The following C2CD3 variants were observed in gnomAD, a reference collection of about 807,000 sequenced individuals.
The protein encoded by C2CD3 is C2 domain containing 3 centriole elongation regulator.
A neutral mutation model predicts 234.0 loss-of-function variants in C2CD3; 148 were observed. The observed-to-expected ratio is 0.63, with a 90% confidence interval of 0.55 to 0.72. The LOEUF (loss-of-function observed/expected upper bound fraction) is 0.72. Ranked by LOEUF, C2CD3 falls within the 30% of genes least tolerant of loss-of-function variation. The pLI is 0.00. For missense variants in C2CD3, 2,577 were observed against 2,811.5 expected, an observed-to-expected ratio of 0.92 and a Z score of 1.89; for synonymous variants, 1,000 against 1,035.4, an observed-to-expected ratio of 0.97 and a Z score of 0.66.
chr11:74,118,490 T>C (rs1565315464), intron 8 of C2CD3, 108 bp from the exon 9 acceptor site: 1 of 696,844 alleles, frequency 1.4e-6, no homozygotes, highest in East Asian at 2.8e-5. Context: ...TACATCATTC[T>C]CTTAAAGAAA....
At chr11:74,050,752 ACGGTG>A in intron 26 of C2CD3, among the ~76,000 whole-genome samples, 5 of 146,834 alleles carry the variant, frequency 3.4e-5, no homozygotes, top group African/African-American at 1.4e-4. Context: ...ACCTAGCTAA[ACGGTG>A]AGAAAAGGTA....
At chr11:74,121,263 A>G (rs750340346) in intron 8 of C2CD3, among the ~76,000 whole-genome samples, 81 of 152,286 alleles carry the variant, frequency 5.3e-4, no homozygotes, top group Admixed American at 3.3e-3. Flanking sequence ...CTTTTGTTTC[A>G]TGCTATGTAA....
chr11:74,111,931 C>T (rs867018866), intron 11 of C2CD3, among the ~76,000 whole-genome samples: 1,435 of 105,490 alleles, frequency 0.014, 25 homozygotes, highest in African/African-American at 0.058. Flanking sequence ...CACACACACA[C>T]ACACACACAC....
At chr11:74,044,714 C>T (rs1953270766) in intron 28 of C2CD3, among the ~76,000 whole-genome samples, 1 of 152,058 alleles carries the variant, frequency 6.6e-6, no homozygotes, top group African/African-American at 2.4e-5. Flanking sequence ...TCCCTTTCTC[C>T]TTCCTTTAGT....
Position 74,078,433 on chromosome 11 carries a change from T to C in C2CD3, c.4285A>G (p.Ile1429Val), listed in dbSNP as rs1955172332. ...AGGTAGCAATATGTATTCTTATGAA[T>C]GTGGTTGTGGCCAGCAAGCAGCACA... ...HCVLLAGHNHIHKNTYCYLRY... is the reference protein window; with the variant it reads ...HCVLLAGHNHVHKNTYCYLRY... Residue 1429 changes from isoleucine (I) to valine (V), a missense_variant, in exon 23 of 33, where the codon ATT becomes GTT. Transcript: ENST00000334126. The C allele has an allele frequency of 1.2e-6, 2 of 1,614,206 alleles. No individual in the cohort carries two copies. The highest frequency in any genetic ancestry group is 2.2e-5 in the East Asian group (1 of 44,882).
chr11:74,084,249 C>T (rs1458426915), intron 22 of C2CD3, among the ~76,000 whole-genome samples: 1 of 152,008 alleles, frequency 6.6e-6, no homozygotes, highest in Non-Finnish European at 1.5e-5. Flanking sequence ...ACAATGAGAA[C>T]ACTTGGACAC....
rs981435780 is a variant in C2CD3 at position 74,121,472 on chromosome 11, T to C, written c.1365+1516A>G. 3.3e-5 allele frequency among the ~76,000 whole-genome samples: 5 copies of C among 151,858 alleles called. No homozygotes were observed. The South Asian group carries it at 8.3e-4, about 25-fold the overall frequency. ...AAATGCAAAAATTAGCCAGGTGCAG[T>C]GGCATGTGCCTGTAATCCCAGCTAC... On this transcript the variant is annotated intron_variant, in intron 8 of 32. Coordinates refer to ENST00000334126, the MANE Select transcript of C2CD3 (RefSeq NM_001286577.2).
intron 2 of C2CD3, among the ~76,000 whole-genome samples, chr11:74,162,614 C>T (rs751523426): frequency 6.6e-6 from 1 of 151,884 alleles, no homozygotes; most frequent in Admixed American, 6.6e-5. Context: ...GGAGTATGAA[C>T]CCAAGATCAA....
intron 21 of C2CD3, 91 bp from the exon 22 acceptor site, chr11:74,085,061 T>A (rs1590752762): frequency 1.5e-6 from 1 of 678,230 alleles, no homozygotes; most frequent in East Asian, 2.6e-5. Flanking sequence ...TCCCCTTATA[T>A]GCACTAAATC....
intron 22 of C2CD3, among the ~76,000 whole-genome samples, chr11:74,084,544 G>C (rs917889411): frequency 6.6e-5 from 10 of 152,152 alleles, no homozygotes; most frequent in African/African-American, 2.4e-4. Flanking sequence ...CCAAAGTGCT[G>C]GGATTACAGG....
At position 74,122,943 on chromosome 11, in the gene C2CD3, T is replaced by C. The variant is rs374257043; in HGVS notation, c.1365+45A>G. The C allele has an allele frequency of 8.4e-5, 121 of 1,434,212 alleles. 1 individual carries two copies. The African/African-American group carries it at 1.6e-3, about 19-fold the overall frequency. 88.8% of individuals were successfully genotyped at this position (1,434,212 alleles called of 1,614,324 possible). A position where few individuals can be genotyped will look rare whatever the true frequency, so the allele number is the denominator to read the frequency against. ...TGCCTGCAGCTACTAATATTATTAA[T>C]ACATTTGTTCTCTAATTCTCAATGC... On this transcript the variant is annotated intron_variant, in intron 8 of 32. Transcript: ENST00000334126.
At position 74,160,176 on chromosome 11, in the gene C2CD3, G is replaced by C. The variant is rs7951052; in HGVS notation, c.483+1223C>G. ...GGCTTGTGTCAGTACACTGACGTTCGCACAAGGATGAAATTGCCTGAGGAC... is the reference window on the plus strand; with the variant it reads ...GGCTTGTGTCAGTACACTGACGTTCCCACAAGGATGAAATTGCCTGAGGAC... On this transcript the variant is annotated intron_variant, in intron 3 of 32. Coordinates refer to ENST00000334126, the MANE Select transcript of C2CD3 (RefSeq NM_001286577.2). Among the ~76,000 whole-genome samples the C allele has an allele frequency of 1.9e-3, 285 of 152,202 alleles. 2 individuals are homozygous for C. Among genetic ancestry groups the C allele is most frequent in the African/African-American group, 6.5e-3 (271 of 41,520 alleles).
chr11:74,166,793 G>A (rs140003093), intron 2 of C2CD3, among the ~76,000 whole-genome samples: 312 of 152,188 alleles, frequency 2.1e-3, no homozygotes, highest in African/African-American at 6.9e-3. Context: ...ATTTTTATAA[G>A]ACTTGTACCT....
Position 74,098,185 on chromosome 11 carries a change from C to T in C2CD3, c.2803G>A (p.Val935Met). Residue 935 changes from valine to methionine, a missense_variant, in exon 16 of 33, where the codon GTG becomes ATG. By Grantham distance (21) the Val-to-Met change is conservative. Coordinates refer to ENST00000334126, the MANE Select transcript of C2CD3 (RefSeq NM_001286577.2). ...TGGTGGCCTGAAAACACATCAATCA[C>T]AGGCATGTAGCTGTCGACAGCAACA... ...PVVAVDSYMPVIDVFSGHQNG... is the reference protein window; with the variant it reads ...PVVAVDSYMPMIDVFSGHQNG... The T allele has an allele frequency of 6.2e-7, 1 of 1,614,102 alleles. No homozygotes were observed. Among genetic ancestry groups the T allele is most frequent in the Non-Finnish European group, 8.5e-7 (1 of 1,179,988 alleles).
At position 74,049,208 on chromosome 11, in the gene C2CD3, G is replaced by C; in HGVS notation, c.5361+129C>G. 4 of 725,394 alleles carry C rather than the reference G, an allele frequency of 5.5e-6. No homozygotes were observed. In the East Asian group the frequency reaches 1.1e-4, roughly 19 times the overall value. 44.9% of individuals were successfully genotyped at this position (725,394 alleles called of 1,614,324 possible). On this transcript the variant is annotated intron_variant, in intron 27 of 32. Coordinates refer to ENST00000334126, the MANE Select transcript of C2CD3 (RefSeq NM_001286577.2). ...CATTTTCATCACCCCAAAAGGTCAG[G>C]AGGTTGTTATGAGACACATATAGTA...
chr11:74,118,465 G>T, intron 8 of C2CD3, 83 bp from the exon 9 acceptor site: 1 of 1,028,200 alleles, frequency 9.7e-7, no homozygotes, highest in Non-Finnish European at 1.5e-6. Context: ...AAGAAAGCAA[G>T]TTCTTCTCTG....
At chr11:74,126,588 C>T (rs564858659) in intron 7 of C2CD3, among the ~76,000 whole-genome samples, 42 of 152,072 alleles carry the variant, frequency 2.8e-4, no homozygotes, top group Admixed American at 2.4e-3. Context: ...ACTAAAGATA[C>T]AAAAAATTAG....
At position 74,042,231 on chromosome 11, in the gene C2CD3, A is replaced by C; in HGVS notation, c.5496-13T>G. 1 of 1,587,660 alleles carries C rather than the reference A, an allele frequency of 6.3e-7. No individual in the cohort carries two copies. Among genetic ancestry groups the C allele is most frequent in the Non-Finnish European group, 8.5e-7 (1 of 1,172,144 alleles). ...TGTGGTATCACTTCTGTCAAAAAAA[A>C]AAAAAAAAAAAGTAGGAGCAAAATA... On this transcript the variant is annotated splice_polypyrimidine_tract_variant and intron_variant, in intron 28 of 32. Transcript: ENST00000334126.
At position 74,033,596 on chromosome 11, in the gene C2CD3, C is replaced by T. The variant is rs569409956; in HGVS notation, c.6564G>A (p.Thr2188=). Residue 2188 remains threonine, a synonymous_variant, in exon 31 of 33, where the codon ACG becomes ACA. Transcript: ENST00000334126. ...PTLSGAQQSS[T]FVGWSSPQTD... is the part of the protein sequence containing the mutation. Reference sequence around the variant, plus strand: ...TCTGTGGTGAGCTCCATCCAACAAACGTGCTGCTCTGTTGAGCTCCTGAGA... The same window carrying T: ...TCTGTGGTGAGCTCCATCCAACAAATGTGCTGCTCTGTTGAGCTCCTGAGA... 56 of 1,536,198 alleles carry T rather than the reference C, an allele frequency of 3.6e-5. No individual in the cohort carries two copies. Among genetic ancestry groups the T allele is most frequent in the Non-Finnish European group, 4.4e-5 (50 of 1,146,914 alleles).
Sources: allele counts gnomAD v4.1 joint callset (sites outside exome capture counted in the v4.1 genomes callset), GRCh38; gene constraint gnomAD v4.1.1; transcripts MANE v1.5; gene names NCBI Gene and HGNC (gene_info 2026-07-23, HGNC 2026-07-21).